The following TASOR2 variants were observed in gnomAD, a reference collection of about 807,000 sequenced individuals.
The protein encoded by TASOR2 is transcription activation suppressor family member 2.
In TASOR2, 84 loss-of-function variants were observed where a neutral mutation model predicts 199.5. The ratio of observed to expected loss-of-function variants is 0.42; its 90% confidence interval spans 0.35 to 0.50. The LOEUF (loss-of-function observed/expected upper bound fraction) is 0.50, where lower values mean the gene tolerates loss of function less well. Among genes scored for constraint, TASOR2 ranks in the 20% least tolerant of loss-of-function variants. The probability of loss-of-function intolerance (pLI) is 0.02; values close to 1 mark genes in which losing one functional copy is unlikely to be tolerated. For synonymous variants in TASOR2, 1,103 were observed against 1,046.6 expected (o/e 1.05, Z -1.04); for missense variants, 2,796 against 2,835.9 (o/e 0.99, Z 0.32).
rs142556794 is a variant in TASOR2, at chr10:5,748,448, C to G, written c.5027C>G (p.Ala1676Gly). The G allele has an allele frequency of 6.2e-6, 10 of 1,614,198 alleles. No individual in the cohort carries two copies. In the Middle Eastern group the frequency reaches 4.9e-4, roughly 80 times the overall value. ...ACCCATTATGTAAGACCAATAAATG[C>G]AGAGCCAGTGTTTCAAGCACAGGAA... Residue 1676 changes from alanine (A) to glycine (G), a missense_variant, in exon 15 of 21, where the codon GCA (alanine) becomes GGA (glycine). Ala to Gly is a moderately conservative substitution (Grantham distance 60). Transcript: ENST00000328090. This position sits in a 1 kb window ranked among gnomAD's most constrained non-coding sequence, Gnocchi z 5.1.
chr10:5,720,515 C>A lies in TASOR2; in HGVS notation c.-99-29C>A. 6.5e-7 allele frequency: 1 copy of A among 1,537,080 alleles called. No homozygotes were observed. The stretch of plus-strand genomic sequence containing the variant: ...TACATATGCAGTTCCATAGTGCTAC[C>A]CTGATAATACTTATTTTTCCTCTTT... On this transcript the variant is annotated intron_variant, in intron 3 of 20. Coordinates refer to ENST00000328090, the Ensembl canonical transcript of TASOR2. This position sits in a 1 kb window ranked among gnomAD's most constrained non-coding sequence, Gnocchi z 5.3.
chr10:5,752,176 G>A lies in TASOR2; in HGVS notation c.6606+2149G>A, dbSNP rs1386902388. Reference sequence around the variant, plus strand: ...TATCTACCTCAGAGCCCCAACATGTGCAGGTGGGGGGGATGTTGCTTTTTT... The same window carrying A: ...TATCTACCTCAGAGCCCCAACATGTACAGGTGGGGGGGATGTTGCTTTTTT... On this transcript the variant is annotated intron_variant, in intron 15 of 20. Coordinates refer to ENST00000328090, the Ensembl canonical transcript of TASOR2. The surrounding 1 kb of genome is among the most constrained non-coding windows in gnomAD (Gnocchi z 4.4). 6.6e-6 allele frequency among the ~76,000 whole-genome samples: 1 copy of A among 152,186 alleles called. No homozygotes were observed.
In TASOR2 at chr10:5,761,058, G is replaced by A. The variant is rs149654464; in HGVS notation, c.6993-232G>A. On this transcript the variant is annotated intron_variant, in intron 18 of 20. Transcript: ENST00000328090. ...GCCAAGCCACATGGCTTGATTGGTC[G>A]TAGGTAGATGCATGATGTCCCTCTT... 3.9e-5 allele frequency: 18 copies of A among 461,144 alleles called. No individual in the cohort carries two copies. The East Asian group carries it at 4.9e-4, about 12-fold the overall frequency. 28.6% of individuals were successfully genotyped at this position (461,144 alleles called of 1,614,324 possible).
chr10:5,715,972 C>A (rs1269802021), intron 2 of TASOR2, among the ~76,000 whole-genome samples: 1 of 152,030 alleles, frequency 6.6e-6, no homozygotes, highest in East Asian at 1.9e-4. Flanking sequence ...CATCACAGAG[C>A]GTACTTAGAG....
At chr10:5,746,053 A>G (rs1403780227) in intron 14 of TASOR2, 126 bp from the exon 16 acceptor site, 3 of 1,103,030 alleles carry the variant, frequency 2.7e-6, no homozygotes, top group Non-Finnish European at 3.7e-6. Flanking sequence ...TTAGCTAGAA[A>G]ATTCAGAAGA....
rs889903032 is a variant in TASOR2 at position 5,719,297 on chromosome 10, G to A, written c.-99-1247G>A. On this transcript the variant is annotated intron_variant, in intron 3 of 20. Coordinates refer to ENST00000328090, the Ensembl canonical transcript of TASOR2. The surrounding 1 kb of genome is among the most constrained non-coding windows in gnomAD (Gnocchi z 4.1). ...ATTCAAAACAGCTTTTAAAATCATT[G>A]CATATTTCATCATAATGGTAAACTT... Among the ~76,000 whole-genome samples, 1 of 151,904 alleles carries A rather than the reference G, an allele frequency of 6.6e-6. No individual in the cohort carries two copies. The highest frequency in any genetic ancestry group is 1.5e-5 in the Non-Finnish European group (1 of 67,978).
intron 7 of TASOR2, 48 bp from the exon 9 acceptor site, chr10:5,724,382 A>G (rs774449878): frequency 2.0e-5 from 18 of 901,422 alleles, no homozygotes; most frequent in Non-Finnish European, 8.3e-6. Flanking sequence ...CTGTAAGTAC[A>G]TAATAGCGTA....
Position 5,712,919 on chromosome 10 carries a change from G to A in TASOR2, c.-192+1G>A. 5.7e-6 allele frequency: 7 copies of A among 1,220,726 alleles called. No individual in the cohort carries two copies. Among genetic ancestry groups the A allele is most frequent in the Non-Finnish European group, 7.2e-6 (7 of 977,834 alleles). 75.6% of individuals were successfully genotyped at this position (1,220,726 alleles called of 1,614,324 possible). On this transcript the variant is annotated splice_donor_variant, in intron 2 of 20. Coordinates refer to ENST00000328090, the Ensembl canonical transcript of TASOR2. LOFTEE classifies it low-confidence loss of function (5UTR_SPLICE). Reference sequence around the variant, plus strand: ...TCTTCTGTTTGATACTGAAAAGCAGGTAAGGGAATTAGGTTGTAGAAAATT... The same window carrying A: ...TCTTCTGTTTGATACTGAAAAGCAGATAAGGGAATTAGGTTGTAGAAAATT...
rs570242052 is a variant in TASOR2, at chr10:5,740,733, T to C, written c.2327+236T>C. On this transcript the variant is annotated intron_variant, in intron 13 of 20. Coordinates refer to ENST00000328090, the Ensembl canonical transcript of TASOR2. This position sits in a 1 kb window ranked among gnomAD's most constrained non-coding sequence, Gnocchi z 5.3. ...TTAAAGATAATTTTAGCCTAATGAA[T>C]AGCTTTCCATTTTGCAATGCTCCCT... Among the ~76,000 whole-genome samples the C allele has an allele frequency of 6.6e-6, 1 of 152,360 alleles. No homozygotes were observed. Among genetic ancestry groups the C allele is most frequent in the South Asian group, 2.1e-4 (1 of 4,828 alleles).
intron 12 of TASOR2, 67 bp from the exon 14 acceptor site, chr10:5,739,551 T>G: frequency 2.1e-6 from 3 of 1,426,140 alleles, no homozygotes; most frequent in Non-Finnish European, 2.9e-6. Flanking sequence ...ACCATCATAG[T>G]AATATGGCAG....
intron 1 of TASOR2, among the ~76,000 whole-genome samples, chr10:5,697,371 T>A (rs1837289452): frequency 6.6e-6 from 1 of 152,196 alleles, no homozygotes; most frequent in Non-Finnish European, 1.5e-5. Flanking sequence ...AAGATAAAGT[T>A]GCGCAGAAGA....
chr10:5,746,346 C>T (rs1280613119), exon 15 of TASOR2: 2 of 1,614,102 alleles, frequency 1.2e-6, no homozygotes, highest in Admixed American at 3.3e-5. Context: ...TTACTCAAGC[C>T]ACATTCACCA....
At position 5,750,291 on chromosome 10, in the gene TASOR2, C is replaced by T. The variant is rs1011076945; in HGVS notation, c.6606+264C>T. 3.9e-5 allele frequency among the ~76,000 whole-genome samples: 6 copies of T among 152,186 alleles called. No individual in the cohort carries two copies. Among genetic ancestry groups the T allele is most frequent in the Admixed American group, 2.6e-4 (4 of 15,282 alleles). Reference sequence around the variant, plus strand: ...AGTTACCAGTGTAGACATGCCCATACTTCAAGTGTAAATACAAACACATTC... The same window carrying T: ...AGTTACCAGTGTAGACATGCCCATATTTCAAGTGTAAATACAAACACATTC... On this transcript the variant is annotated intron_variant, in intron 15 of 20. Coordinates refer to ENST00000328090, the Ensembl canonical transcript of TASOR2. This position sits in a 1 kb window ranked among gnomAD's most constrained non-coding sequence, Gnocchi z 5.4.
chr10:5,717,573 C>T (rs1370102065), intron 2 of TASOR2, 86 bp from the exon 4 acceptor site: 2 of 482,460 alleles, frequency 4.1e-6, no homozygotes, highest in Non-Finnish European at 6.6e-6. Context: ...ATCACAGTAG[C>T]TTTCTTTCTA....
exon 12 of TASOR2, chr10:5,735,492 G>T: frequency 6.2e-7 from 1 of 1,614,134 alleles, no homozygotes. Flanking sequence ...AAAACAGAGA[G>T]TAAATATAGT....
Position 5,722,223 on chromosome 10 carries a change from G to A in TASOR2, c.146+1253G>A, listed in dbSNP as rs192748355. Among the ~76,000 whole-genome samples the A allele has an allele frequency of 5.7e-3, 862 of 152,282 alleles. 4 individuals are homozygous for A. Among genetic ancestry groups the A allele is most frequent in the South Asian group, 0.012 (57 of 4,822 alleles). ...TAATGCTAGCACTTTGGGAGGCCAA[G>A]GCAGGAGGATTGCTTGAGTCCAGGA... On this transcript the variant is annotated intron_variant, in intron 6 of 20. Coordinates refer to ENST00000328090, the Ensembl canonical transcript of TASOR2. This position sits in a 1 kb window ranked among gnomAD's most constrained non-coding sequence, Gnocchi z 4.0.
rs1176575930 is a variant in TASOR2, at chr10:5,706,633, G to A, written c.-287-6190G>A. Among the ~76,000 whole-genome samples the A allele has an allele frequency of 6.6e-6, 1 of 152,160 alleles. No individual in the cohort carries two copies. Among genetic ancestry groups the A allele is most frequent in the Non-Finnish European group, 1.5e-5 (1 of 68,030 alleles). ...TGAAAATTAAGCTATTTTAAATTCA[G>A]AAAAGCAAAACACGGTATAAGGAAA... On this transcript the variant is annotated intron_variant, in intron 1 of 20. Coordinates refer to ENST00000328090, the Ensembl canonical transcript of TASOR2. This position sits in a 1 kb window ranked among gnomAD's most constrained non-coding sequence, Gnocchi z 4.8.
chr10:5,762,575 C>T (rs1436276870), exon 20 of TASOR2: 4 of 1,405,960 alleles, frequency 2.8e-6, no homozygotes, highest in African/African-American at 3.1e-5. Context: ...ATAGTGGAAT[C>T]CTTGTTACAG....
At chr10:5,715,753 C>A (rs1005139641) in intron 2 of TASOR2, among the ~76,000 whole-genome samples, 7 of 152,090 alleles carry the variant, frequency 4.6e-5, no homozygotes, top group African/African-American at 9.7e-5. Flanking sequence ...AGTGATTCTC[C>A]TGCCTCAGCC....
Sources: allele counts gnomAD v4.1 joint callset (sites outside exome capture counted in the v4.1 genomes callset), GRCh38; gene constraint gnomAD v4.1.1; non-coding constraint Gnocchi (gnomAD v3.1); transcripts MANE v1.5; gene names NCBI Gene and HGNC (gene_info 2026-07-23, HGNC 2026-07-21).